The following OCLN variants were observed in gnomAD, a reference collection of about 807,000 sequenced individuals.
The protein encoded by OCLN is occludin, also known as phosphatase 1, regulatory subunit 115.
In OCLN, 21 loss-of-function variants were observed where a neutral mutation model predicts 47.9. The observed-to-expected ratio is 0.44, with a 90% CI of 0.31 to 0.63. The LOEUF is 0.63. Among genes scored for constraint, OCLN ranks in the 30% least tolerant of loss-of-function variants. OCLN has a pLI of 0.08. For synonymous variants in OCLN, 117 were observed against 198.4 expected (o/e 0.59, Z 3.45); for missense variants, 360 against 571.0 (o/e 0.63, Z 3.77).
chr5:69,505,912 AATT>A (rs1768586068), intron 2 of OCLN, among the ~76,000 whole-genome samples: 1 of 152,172 alleles, frequency 6.6e-6, no homozygotes, highest in Non-Finnish European at 1.5e-5. Flanking sequence ...TGTGTCCTCT[AATT>A]ATCAGTTCAA....
chr5:69,497,616 T>C lies in OCLN; in HGVS notation c.-69+4716T>C, dbSNP rs545146656. Among the ~76,000 whole-genome samples, 6 of 151,828 alleles carry C rather than the reference T, an allele frequency of 4.0e-5. No homozygotes were observed. The South Asian group carries it at 8.3e-4, about 21-fold the overall frequency. ...TTGGCCAAGATGGTCTCGATCTCCT[T>C]GTGATCCACCCGCCTCGTCCTCCCA... On this transcript the variant is annotated intron_variant, in intron 1 of 8. Transcript: ENST00000396442.
At chr5:69,498,348 G>A (rs922275628) in intron 1 of OCLN, among the ~76,000 whole-genome samples, 1 of 152,026 alleles carries the variant, frequency 6.6e-6, no homozygotes, top group Non-Finnish European at 1.5e-5. Flanking sequence ...GCAAAAATTA[G>A]CCTGGCCTGG....
At chr5:69,521,715 T>C (rs528626910) in intron 4 of OCLN, among the ~76,000 whole-genome samples, 2 of 152,366 alleles carry the variant, frequency 1.3e-5, no homozygotes, top group East Asian at 1.9e-4. Flanking sequence ...CCTGATGGTA[T>C]ATGAAATTGC....
chr5:69,502,668 G>A (rs1474750474), intron 1 of OCLN, among the ~76,000 whole-genome samples: 3 of 152,202 alleles, frequency 2.0e-5, no homozygotes, highest in Admixed American at 1.3e-4. Flanking sequence ...ATGAAGTTCT[G>A]TAGCTGATGT....
chr5:69,512,893 C>T (rs1302586894), intron 3 of OCLN, among the ~76,000 whole-genome samples: 1 of 151,888 alleles, frequency 6.6e-6, no homozygotes, highest in Non-Finnish European at 1.5e-5. Flanking sequence ...CTTGTTTTTC[C>T]TTTTTTCTTA....
chr5:69,525,224 C>G lies in OCLN; in HGVS notation c.892-9470C>G, dbSNP rs1769245307. Reference sequence around the variant, plus strand: ...GGTTGACGCCATTCTCCTGCCTCAGCCTCCTGAGTAGCTGGGACTACAGGT... The same window carrying G: ...GGTTGACGCCATTCTCCTGCCTCAGGCTCCTGAGTAGCTGGGACTACAGGT... On this transcript the variant is annotated intron_variant, in intron 4 of 8. Transcript: ENST00000396442. 3.3e-5 allele frequency among the ~76,000 whole-genome samples: 5 copies of G among 151,958 alleles called. No individual in the cohort carries two copies. The South Asian group carries it at 1.0e-3, about 32-fold the overall frequency.
chr5:69,508,523 T>TA (rs976000758), intron 2 of OCLN, among the ~76,000 whole-genome samples: 2 of 152,058 alleles, frequency 1.3e-5, no homozygotes, highest in Admixed American at 6.6e-5. Flanking sequence ...GTATTTTTAG[T>TA]AGAGATGGGG....
At chr5:69,515,559 G>T (rs373061969) in intron 4 of OCLN, among the ~76,000 whole-genome samples, 5 of 100,868 alleles carry the variant, frequency 5.0e-5, no homozygotes, top group Non-Finnish European at 6.3e-5. Flanking sequence ...CCTCCCTCCC[G>T]GACGGGGCGG....
chr5:69,533,054 TATAC>T (rs1769484793), intron 4 of OCLN, among the ~76,000 whole-genome samples: 1 of 149,042 alleles, frequency 6.7e-6, no homozygotes, highest in Non-Finnish European at 1.5e-5. Flanking sequence ...TATACACATA[TATAC>T]ATATATATAT....
In OCLN at chr5:69,504,221, T is replaced by G. The variant is rs201102823; in HGVS notation, c.-24T>G. The G allele has an allele frequency of 2.2e-4, 348 of 1,583,026 alleles. No individual in the cohort carries two copies. Among genetic ancestry groups the G allele is most frequent in the Non-Finnish European group, 2.8e-4 (318 of 1,151,786 alleles). On this transcript the variant is annotated 5_prime_UTR_variant, in exon 2 of 9. Transcript: ENST00000396442. ...TAAAGGGCATTGCTCATCCTGAAGA[T>G]CAGCTGACCATTGACAATCAGCCAT...
rs201821077 is a variant in OCLN at position 69,509,202 on chromosome 5, A to G, written c.112A>G (p.Met38Val). Residue 38 changes from methionine (M) to valine (V), a missense_variant, in exon 3 of 9, where the codon ATG becomes GTG. Met to Val is a conservative substitution (Grantham distance 21). Transcript: ENST00000396442. ...IYGGEMHVRPMLSQPAYSFYP... is the reference protein window; with the variant it reads ...IYGGEMHVRPVLSQPAYSFYP... ...TGGTGGAGAGATGCATGTTCGACCAATGCTCTCTCAGCCAGCCTACTCTTT... is the reference window on the plus strand; with the variant it reads ...TGGTGGAGAGATGCATGTTCGACCAGTGCTCTCTCAGCCAGCCTACTCTTT... 2.9e-5 allele frequency: 47 copies of G among 1,614,112 alleles called. No individual in the cohort carries two copies. In the East Asian group the frequency reaches 4.9e-4, roughly 17 times the overall value.
intron 4 of OCLN, among the ~76,000 whole-genome samples, chr5:69,521,303 A>G (rs1011482433): frequency 2.0e-5 from 3 of 152,236 alleles, no homozygotes; most frequent in African/African-American, 7.2e-5. Context: ...GGTATTTCAT[A>G]GTATGAGTAT....
chr5:69,507,662 A>G (rs759452047), intron 2 of OCLN, among the ~76,000 whole-genome samples: 24 of 151,068 alleles, frequency 1.6e-4, no homozygotes, highest in Non-Finnish European at 2.7e-4. Context: ...CTGGAGTGCA[A>G]TGGCACGGTC....
At chr5:69,501,978 G>T (rs558283069) in intron 1 of OCLN, among the ~76,000 whole-genome samples, 6 of 152,274 alleles carry the variant, frequency 3.9e-5, no homozygotes, top group Admixed American at 3.9e-4. Context: ...AGGGCAGATT[G>T]CCTGAGCTCA....
chr5:69,519,062 T>A (rs947151860), intron 4 of OCLN, among the ~76,000 whole-genome samples: 1 of 152,046 alleles, frequency 6.6e-6, no homozygotes, highest in African/African-American at 2.4e-5. Flanking sequence ...TGCTGGAGCC[T>A]GGGAGGTCAA....
In OCLN at chr5:69,493,267, G is replaced by T. The variant is rs534383059; in HGVS notation, c.-69+367G>T. Among the ~76,000 whole-genome samples the T allele has an allele frequency of 5.9e-5, 9 of 152,270 alleles. No homozygotes were observed. The highest frequency in any genetic ancestry group is 2.0e-4 in the Admixed American group (3 of 15,290). ...CATCCGCTCTGGGGCTGCAGTTTGG[G>T]GGGGCGGCCTTCATGGAGAGGGATC... On this transcript the variant is annotated intron_variant, in intron 1 of 8. Transcript: ENST00000396442. This position sits in a 1 kb window ranked among gnomAD's most constrained non-coding sequence, Gnocchi z 5.3.
At position 69,549,285 on chromosome 5, in the gene OCLN, G is replaced by A. The variant is rs1211703218; in HGVS notation, c.1425+1184G>A. ...GAACCCAGGAGGCGGAGCTTGCAGT[G>A]AGCCAAGATCGCGCCACTGCACTCC... On this transcript the variant is annotated intron_variant, in intron 7 of 8. Coordinates refer to ENST00000396442, the MANE Select transcript of OCLN (RefSeq NM_001205254.2). Among the ~76,000 whole-genome samples, 9 of 112,848 alleles carry A rather than the reference G, an allele frequency of 8.0e-5. No homozygotes were observed. The East Asian group carries it at 2.1e-3, about 27-fold the overall frequency. 74.0% of individuals were successfully genotyped at this position (112,848 alleles called of 152,430 possible).
At chr5:69,502,788 C>T (rs1768496483) in intron 1 of OCLN, among the ~76,000 whole-genome samples, 1 of 152,066 alleles carries the variant, frequency 6.6e-6, no homozygotes, top group Non-Finnish European at 1.5e-5. Context: ...TTGTCTTTTT[C>T]CTGGAGAGCT....
intron 4 of OCLN, among the ~76,000 whole-genome samples, chr5:69,515,594 C>T (rs1244309368): frequency 6.6e-6 from 1 of 150,498 alleles, no homozygotes; most frequent in Non-Finnish European, 1.5e-5. Flanking sequence ...GGCTGACCCC[C>T]CCACCTCCCT....
Sources: allele counts gnomAD v4.1 joint callset (sites outside exome capture counted in the v4.1 genomes callset), GRCh38; gene constraint gnomAD v4.1.1; non-coding constraint Gnocchi (gnomAD v3.1); transcripts MANE v1.5; gene names NCBI Gene and HGNC (gene_info 2026-07-23, HGNC 2026-07-21).